The following CD8A variants were observed in gnomAD, a reference collection of about 807,000 sequenced individuals.
CD8A encodes T-cell surface glycoprotein CD8 alpha chain.
In CD8A, 25 loss-of-function variants were observed where a neutral mutation model predicts 24.2. That is an observed-to-expected ratio of 1.03 (90% CI 0.75 to 1.44). CD8A has a LOEUF of 1.44. Ranked by LOEUF, CD8A falls within the 40% of genes most tolerant of loss-of-function variation. The pLI is 0.00. For missense variants in CD8A, 360 were observed against 319.7 expected, an observed-to-expected ratio of 1.13 and a Z score of -0.96; for synonymous variants, 165 against 149.9, an observed-to-expected ratio of 1.10 and a Z score of -0.74.
intron 2 of CD8A, among the ~76,000 whole-genome samples, chr2:86,806,864 C>A (rs915099415): frequency 1.1e-4 from 17 of 152,286 alleles, no homozygotes; most frequent in South Asian, 4.1e-4. Context: ...AAAGAATTAA[C>A]CATCTTGTGC....
chr2:86,785,849 G>T lies in CD8A; in HGVS notation c.*71C>A. Reference sequence around the variant, plus strand: ...CACAGGGAGGAAGACTGGAAAAAATGAAAGGGAAGGACTTGCTCCCTCAAA... The same window carrying T: ...CACAGGGAGGAAGACTGGAAAAAATTAAAGGGAAGGACTTGCTCCCTCAAA... On this transcript the variant is annotated 3_prime_UTR_variant, in exon 6 of 6. Transcript: ENST00000283635. 1.8e-6 allele frequency: 2 copies of T among 1,099,380 alleles called. No individual in the cohort carries two copies. Among genetic ancestry groups the T allele is most frequent in the Non-Finnish European group, 1.4e-6 (1 of 709,524 alleles). The allele number at this position is 1,099,380 out of a possible 1,614,324, so 68.1% of individuals were successfully genotyped here.
intron 3 of CD8A, among the ~76,000 whole-genome samples, chr2:86,800,622 T>C (rs1266444456): frequency 6.6e-6 from 1 of 152,184 alleles, no homozygotes; most frequent in Admixed American, 6.5e-5. Flanking sequence ...GATGGCTACT[T>C]GGTAGGCTTC....
chr2:86,788,913 G>A (rs923266978), intron 4 of CD8A, among the ~76,000 whole-genome samples: 2 of 152,206 alleles, frequency 1.3e-5, no homozygotes, highest in African/African-American at 4.8e-5. Flanking sequence ...GGGACCCAAA[G>A]CAGGGTGGGC....
At chr2:86,803,941 T>G (rs955594042) in intron 2 of CD8A, among the ~76,000 whole-genome samples, 1 of 152,222 alleles carries the variant, frequency 6.6e-6, no homozygotes, top group African/African-American at 2.4e-5. Context: ...GATGTAGGCC[T>G]AAGGATACGA....
intron 2 of CD8A, among the ~76,000 whole-genome samples, chr2:86,804,579 G>A (rs996805085): frequency 9.2e-5 from 14 of 152,098 alleles, no homozygotes; most frequent in African/African-American, 3.4e-4. Flanking sequence ...TGGTAAGATT[G>A]TTATGTGTAT....
intron 3 of CD8A, among the ~76,000 whole-genome samples, chr2:86,795,938 T>C (rs535921594): frequency 6.6e-6 from 1 of 152,312 alleles, no homozygotes; most frequent in Non-Finnish European, 1.5e-5. Flanking sequence ...ACAAGTGGAA[T>C]GTGAATTCAC....
upstream of CD8A, chr2:86,791,636 T>C (rs182998895): frequency 8.6e-5 from 39 of 454,178 alleles, no homozygotes; most frequent in East Asian, 2.2e-3. Context: ...TCTGACAGCG[T>C]CACTGCTGCA....
At chr2:86,797,348 T>C (rs983687277) in intron 3 of CD8A, among the ~76,000 whole-genome samples, 3 of 152,066 alleles carry the variant, frequency 2.0e-5, no homozygotes, top group African/African-American at 2.4e-5. Flanking sequence ...AAATAAAACA[T>C]TGGCAAGGAA....
At chr2:86,795,910 A>G (rs556254408), upstream of CD8A, among the ~76,000 whole-genome samples, 4 of 152,366 alleles carry the variant, frequency 2.6e-5, no homozygotes, top group African/African-American at 9.6e-5. Context: ...AATTCAAAGT[A>G]TACATAAAAA....
chr2:86,792,367 G>A (rs1673338485), upstream of CD8A, among the ~76,000 whole-genome samples: 2 of 152,232 alleles, frequency 1.3e-5, no homozygotes, highest in Admixed American at 1.3e-4. Flanking sequence ...CGAGGACCAT[G>A]CCGAGACTTC....
upstream of CD8A, among the ~76,000 whole-genome samples, chr2:86,795,200 G>A (rs1673442527): frequency 6.6e-6 from 1 of 152,166 alleles, no homozygotes; most frequent in African/African-American, 2.4e-5. Flanking sequence ...AGAGGGCTTG[G>A]CACACACTTG....
Position 86,790,543 on chromosome 2 carries a change from G to A in CD8A, c.188C>T (p.Ala63Val). The change falls in exon 2 of 6, where the codon GCC (alanine) becomes GTC (valine). Residue 63 changes from alanine (A) to valine (V), a missense_variant. Physicochemically the swap from Ala to Val is moderately conservative, Grantham distance 64 (BLOSUM62 0). Coordinates refer to ENST00000283635, the MANE Select transcript of CD8A (RefSeq NM_001768.7). ...GCSWLFQPRG[A>V]AASPTFLLYL... ...TAGGAGGAAGGTGGGACTGGCGGCG[G>A]CGCCGCGCGGCTGGAAGAGCCACGA... 2 of 1,613,416 alleles carry A rather than the reference G, an allele frequency of 1.2e-6. No homozygotes were observed. The highest frequency in any genetic ancestry group is 1.7e-6 in the Non-Finnish European group (2 of 1,179,936).
chr2:86,797,034 A>T (rs925621346), intron 3 of CD8A, among the ~76,000 whole-genome samples: 3 of 152,164 alleles, frequency 2.0e-5, no homozygotes, highest in Admixed American at 6.5e-5. Flanking sequence ...TTCCTTGGCA[A>T]TACTTGTTGT....
At chr2:86,803,408 G>A (rs943091979) in intron 2 of CD8A, among the ~76,000 whole-genome samples, 6 of 152,126 alleles carry the variant, frequency 3.9e-5, no homozygotes, top group South Asian at 2.1e-4. Context: ...ATTGTGGTAC[G>A]GATATATACA....
Position 86,790,783 on chromosome 2 carries a change from G to C in CD8A, c.43C>G (p.Leu15Val). The C allele has an allele frequency of 1.3e-6, 2 of 1,532,098 alleles. No homozygotes were observed. Among genetic ancestry groups the C allele is most frequent in the Non-Finnish European group, 1.8e-6 (2 of 1,142,092 alleles). 94.9% of individuals were successfully genotyped at this position (1,532,098 alleles called of 1,614,324 possible). A position where few individuals can be genotyped will look rare whatever the true frequency, so the allele number is the denominator to read the frequency against. ...CCGGGCGTCTCAAACTCACGGAGCAGCAAGGCCAGCGGCAGGAGCAAGGCG... is the reference window on the plus strand; with the variant it reads ...CCGGGCGTCTCAAACTCACGGAGCACCAAGGCCAGCGGCAGGAGCAAGGCG... The part of the protein sequence containing the change: ...VTALLLPLAL[L>V]LHAARPSQFR... The change falls in exon 1 of 6, where the codon CTG (leucine) becomes GTG (valine). Residue 15 changes from leucine to valine, a missense_variant. Physicochemically the swap from Leu to Val is conservative, Grantham distance 32. Coordinates refer to ENST00000283635, the MANE Select transcript of CD8A (RefSeq NM_001768.7).
upstream of CD8A, among the ~76,000 whole-genome samples, chr2:86,794,433 C>T (rs148874641): frequency 1.3e-5 from 2 of 152,280 alleles, no homozygotes; most frequent in Non-Finnish European, 1.5e-5. Context: ...TGCTGTGTCC[C>T]CATCGCCAAT....
chr2:86,790,694 A>G lies in CD8A; in HGVS notation c.50-13T>C. On this transcript the variant is annotated splice_polypyrimidine_tract_variant and intron_variant, in intron 1 of 5. Coordinates refer to ENST00000283635, the MANE Select transcript of CD8A (RefSeq NM_001768.7). ...GGCCTGGCGGCGTCTGCAGGCGGCAAGCAGCGAGGCTGAGCCCGCAGTCCC... is the reference window on the plus strand; with the variant it reads ...GGCCTGGCGGCGTCTGCAGGCGGCAGGCAGCGAGGCTGAGCCCGCAGTCCC... 1.3e-6 allele frequency: 2 copies of G among 1,593,862 alleles called. No homozygotes were observed. The highest frequency in any genetic ancestry group is 1.7e-6 in the Non-Finnish European group (2 of 1,177,374).
rs1336047219 is a variant in CD8A, at chr2:86,785,335, C to T, written c.*585G>A. ...GAACTCTGCCAAAGGCAGTTCTCTTCTTTAATTCATTACCTCCTCGAGGCT... is the reference window on the plus strand; with the variant it reads ...GAACTCTGCCAAAGGCAGTTCTCTTTTTTAATTCATTACCTCCTCGAGGCT... On this transcript the variant is annotated 3_prime_UTR_variant, in exon 6 of 6. Transcript: ENST00000283635. 3 of 454,086 alleles carry T rather than the reference C, an allele frequency of 6.6e-6. No individual in the cohort carries two copies. The East Asian group carries it at 2.1e-4, about 32-fold the overall frequency. The allele number at this position is 454,086 out of a possible 1,614,324, so 28.1% of individuals were successfully genotyped here.
intron 3 of CD8A, among the ~76,000 whole-genome samples, chr2:86,800,714 G>A (rs563204576): frequency 1.3e-5 from 2 of 152,214 alleles, no homozygotes; most frequent in East Asian, 3.9e-4. Flanking sequence ...GCAGGTCAGT[G>A]GTTCCCAAGT....
Sources: allele counts gnomAD v4.1 joint callset (sites outside exome capture counted in the v4.1 genomes callset), GRCh38; gene constraint gnomAD v4.1.1; transcripts MANE v1.5; gene names NCBI Gene and HGNC (gene_info 2026-07-23, HGNC 2026-07-21).